Variants in SGCD observed in about 807,000 individuals in gnomAD.
SGCD encodes the protein delta-sarcoglycan.
A neutral mutation model predicts 36.6 loss-of-function variants in SGCD; 18 were observed. The observed-to-expected ratio is 0.49, with a 90% CI of 0.34 to 0.73. The LOEUF (loss-of-function observed/expected upper bound fraction) is 0.73. SGCD is among the 30% of genes least tolerant of loss of function. The pLI is 0.01. For missense variants in SGCD, 387 were observed against 346.7 expected, an observed-to-expected ratio of 1.12 and a Z score of -0.92; for synonymous variants, 133 against 130.6, an observed-to-expected ratio of 1.02 and a Z score of -0.12.
intron 3 of SGCD, among the ~76,000 whole-genome samples, chr5:156,261,724 A>G (rs1307907006): frequency 2.6e-5 from 4 of 152,208 alleles, no homozygotes; most frequent in Admixed American, 1.3e-4. Flanking sequence ...AGCTCCAAGT[A>G]TGTTATTGCC....
intron 7 of SGCD, among the ~76,000 whole-genome samples, chr5:156,702,679 A>C (rs1166107604): frequency 6.6e-6 from 1 of 152,170 alleles, no homozygotes; most frequent in Non-Finnish European, 1.5e-5. Flanking sequence ...CCAAGTTTTA[A>C]TAAAATGAGA....
At chr5:155,913,596 T>C (rs1232921986) in intron 1 of SGCD, among the ~76,000 whole-genome samples, 2 of 152,202 alleles carry the variant, frequency 1.3e-5, no homozygotes, top group African/African-American at 4.8e-5. Context: ...CTTCTTGTTA[T>C]TTAATTGCTT....
intron 1 of SGCD, among the ~76,000 whole-genome samples, chr5:155,945,126 T>C (rs1757413372): frequency 6.6e-6 from 1 of 152,210 alleles, no homozygotes; most frequent in Admixed American, 6.5e-5. Context: ...CAGTTAGAAC[T>C]GTCTACAAAT....
chr5:156,525,348 C>T (rs1757600587), intron 4 of SGCD, among the ~76,000 whole-genome samples: 2 of 152,002 alleles, frequency 1.3e-5, no homozygotes, highest in African/African-American at 4.8e-5. Context: ...TTTTCATATA[C>T]CTGTTGGTCA....
chr5:156,194,335 C>T (rs1276509623), intron 3 of SGCD, among the ~76,000 whole-genome samples: 2 of 152,020 alleles, frequency 1.3e-5, no homozygotes, highest in Non-Finnish European at 2.9e-5. Flanking sequence ...GCAGAGATTG[C>T]TCCATTGCTC....
chr5:156,317,584 T>C (rs1767551488), intron 3 of SGCD, among the ~76,000 whole-genome samples: 1 of 152,166 alleles, frequency 6.6e-6, no homozygotes, highest in Non-Finnish European at 1.5e-5. Flanking sequence ...TTACATAAAG[T>C]ATTCACATGA....
intron 1 of SGCD, among the ~76,000 whole-genome samples, chr5:155,953,963 G>A (rs914448200): frequency 3.3e-5 from 5 of 152,134 alleles, no homozygotes; most frequent in African/African-American, 4.8e-5. Flanking sequence ...CTTTACATCC[G>A]CTGCCTCACT....
chr5:155,867,449 A>G (rs114017660), upstream of SGCD, among the ~76,000 whole-genome samples: 7 of 152,304 alleles, frequency 4.6e-5, no homozygotes, highest in East Asian at 1.9e-4. Context: ...GCTGTTGACA[A>G]TGGTGAACTG....
chr5:155,934,048 A>C (rs561022565), intron 1 of SGCD, among the ~76,000 whole-genome samples: 1 of 152,322 alleles, frequency 6.6e-6, no homozygotes, highest in Admixed American at 6.5e-5. Flanking sequence ...CATGGTACTC[A>C]TCAAAATTCA....
At chr5:155,786,974 A>C in the SGCD span, among the ~76,000 whole-genome samples, 1 of 152,206 alleles carries the variant, frequency 6.6e-6, no homozygotes, top group Non-Finnish European at 1.5e-5. Flanking sequence ...GATGGAAGAC[A>C]GGAGGACCCA....
intron 3 of SGCD, among the ~76,000 whole-genome samples, chr5:156,149,217 G>T (rs1368342334): frequency 6.6e-6 from 1 of 152,146 alleles, no homozygotes; most frequent in African/African-American, 2.4e-5. Flanking sequence ...GCTGTAAAAT[G>T]GGGTACCTGT....
chr5:156,541,156 G>A (rs981380951), intron 4 of SGCD, among the ~76,000 whole-genome samples: 3 of 152,082 alleles, frequency 2.0e-5, no homozygotes, highest in Non-Finnish European at 4.4e-5. Flanking sequence ...TCAAAGAGTA[G>A]GAAAAAAAGC....
chr5:156,229,984 G>A (rs1764974550), intron 3 of SGCD, among the ~76,000 whole-genome samples: 1 of 152,112 alleles, frequency 6.6e-6, no homozygotes, highest in Non-Finnish European at 1.5e-5. Flanking sequence ...TTGCACTTCT[G>A]TAAGTATGTC....
intron 4 of SGCD, among the ~76,000 whole-genome samples, chr5:156,542,484 A>T (rs1758388510): frequency 6.6e-6 from 1 of 152,218 alleles, no homozygotes; most frequent in Non-Finnish European, 1.5e-5. Context: ...GCAATCTGAC[A>T]TTCTGGAGCC....
chr5:156,526,997 C>T (rs2113076605), intron 4 of SGCD, among the ~76,000 whole-genome samples: 1 of 152,300 alleles, frequency 6.6e-6, no homozygotes, highest in Middle Eastern at 3.4e-3. Flanking sequence ...TGTGTTCAAA[C>T]TTCAAAGGAG....
intron 1 of SGCD, among the ~76,000 whole-genome samples, chr5:155,990,253 A>G (rs560506301): frequency 6.6e-6 from 1 of 152,198 alleles, no homozygotes; most frequent in African/African-American, 2.4e-5. Context: ...GTACAAAAAC[A>G]TACCTGTTTT....
intron 1 of SGCD, among the ~76,000 whole-genome samples, chr5:155,962,274 T>C (rs916090826): frequency 7.9e-5 from 12 of 152,100 alleles, no homozygotes; most frequent in Non-Finnish European, 1.6e-4. Flanking sequence ...ATCAGGTGTC[T>C]GTCAGAAACT....
chr5:155,801,189 T>C, the SGCD span, among the ~76,000 whole-genome samples: 2 of 152,100 alleles, frequency 1.3e-5, no homozygotes, highest in Admixed American at 6.5e-5. Flanking sequence ...GTTGTTGGAA[T>C]ATCCTTAATT....
chr5:156,161,494 T>G (rs1763086209), intron 3 of SGCD, among the ~76,000 whole-genome samples: 1 of 151,910 alleles, frequency 6.6e-6, no homozygotes, highest in African/African-American at 2.4e-5. Context: ...GGGCATCGTC[T>G]GTTGTCTGTT....
Sources: allele counts gnomAD v4.1 joint callset (sites outside exome capture counted in the v4.1 genomes callset), GRCh38; gene constraint gnomAD v4.1.1; transcripts MANE v1.5; gene names NCBI Gene and HGNC (gene_info 2026-07-23, HGNC 2026-07-21).